The following BNC2 variants were observed in gnomAD, a reference collection of about 807,000 sequenced individuals.
The protein encoded by BNC2 is basonuclin zinc finger protein 2, also known as zinc finger protein basonuclin-2.
Under a neutral mutation model 76.3 loss-of-function variants are expected in BNC2, and 20 were observed. That is an observed-to-expected ratio of 0.26 (90% CI 0.18 to 0.38). BNC2 has a LOEUF of 0.38. BNC2 is among the 10% of genes least tolerant of loss of function. BNC2 has a pLI of 1.00. For synonymous variants in BNC2, 582 were observed against 514.8 expected, an observed-to-expected ratio of 1.13 and a Z score of -1.77; for missense variants, 1,382 against 1,399.8, an observed-to-expected ratio of 0.99 and a Z score of 0.20.
At chr9:16,817,428 G>C (rs1338753920) in intron 1 of BNC2, among the ~76,000 whole-genome samples, 3 of 152,162 alleles carry the variant, frequency 2.0e-5, no homozygotes, top group Non-Finnish European at 4.4e-5. Flanking sequence ...ATACTGCTAT[G>C]GATGTCTGGA....
At chr9:16,654,327 T>G (rs1587277866) in intron 3 of BNC2, among the ~76,000 whole-genome samples, 1 of 152,204 alleles carries the variant, frequency 6.6e-6, no homozygotes, top group Non-Finnish European at 1.5e-5. Context: ...ATAAGCATTA[T>G]TAAAGAGTCC....
At chr9:16,433,855 T>C (rs1820951260) in intron 6 of BNC2, among the ~76,000 whole-genome samples, 1 of 152,228 alleles carries the variant, frequency 6.6e-6, no homozygotes, top group African/African-American at 2.4e-5. Flanking sequence ...AAATATTTTA[T>C]GCAGGTTTTC....
At chr9:16,692,851 T>C (rs1013042560) in intron 3 of BNC2, among the ~76,000 whole-genome samples, 14 of 151,964 alleles carry the variant, frequency 9.2e-5, no homozygotes, top group African/African-American at 3.1e-4. Context: ...CACTGGGTGC[T>C]GGGCGTCGTG....
At chr9:16,686,115 T>C (rs879566935) in intron 3 of BNC2, among the ~76,000 whole-genome samples, 5 of 152,218 alleles carry the variant, frequency 3.3e-5, no homozygotes, top group Non-Finnish European at 5.9e-5. Context: ...CAAATTTATT[T>C]TTCCTGTTCC....
intron 5 of BNC2, among the ~76,000 whole-genome samples, chr9:16,452,856 G>T (rs1380367428): frequency 5.3e-5 from 8 of 152,106 alleles, no homozygotes; most frequent in Admixed American, 2.6e-4. Flanking sequence ...TTCTGCATCT[G>T]TTCAATCTAT....
intron 1 of BNC2, among the ~76,000 whole-genome samples, chr9:16,742,965 G>A (rs1450483970): frequency 2.0e-5 from 3 of 152,174 alleles, no homozygotes; most frequent in African/African-American, 4.8e-5. Flanking sequence ...TCTCTCAAGT[G>A]TACTGTCAGA....
At chr9:16,548,034 G>T (rs1419826900) in intron 5 of BNC2, among the ~76,000 whole-genome samples, 1 of 152,164 alleles carries the variant, frequency 6.6e-6, no homozygotes, top group Non-Finnish European at 1.5e-5. Flanking sequence ...AGACACAGAA[G>T]AGTTGAGAGG....
chr9:16,505,817 C>T (rs913951706), intron 5 of BNC2, among the ~76,000 whole-genome samples: 1 of 151,946 alleles, frequency 6.6e-6, no homozygotes, highest in East Asian at 1.9e-4. Flanking sequence ...ATATTAACAC[C>T]CCAAGCAGAA....
At chr9:16,532,534 GCT>G (rs1818014245) in intron 5 of BNC2, among the ~76,000 whole-genome samples, 1 of 152,120 alleles carries the variant, frequency 6.6e-6, no homozygotes, top group African/African-American at 2.4e-5. Flanking sequence ...GCTAGGGCTG[GCT>G]CATGCCAGCC....
chr9:16,779,007 T>C (rs897504987), intron 1 of BNC2, among the ~76,000 whole-genome samples: 1 of 150,842 alleles, frequency 6.6e-6, no homozygotes, highest in Non-Finnish European at 1.5e-5. Flanking sequence ...TAATTAGATG[T>C]CAGACTCCTG....
At position 16,448,098 on chromosome 9, in the gene BNC2, C is replaced by T. The variant is rs144423787; in HGVS notation, c.670-10574G>A. On this transcript the variant is annotated intron_variant, in intron 5 of 6. Transcript: ENST00000380672. ...TCAGACATAAAGATAAATCCCTGGT[C>T]TTAGGACAGCTATAAATCTGCTTGC... Among the ~76,000 whole-genome samples, 118 of 152,158 alleles carry T rather than the reference C, an allele frequency of 7.8e-4. 1 individual carries two copies. The highest frequency in any genetic ancestry group is 1.5e-3 in the Non-Finnish European group (104 of 67,972).
At chr9:16,708,001 G>C (rs1039213444) in intron 3 of BNC2, among the ~76,000 whole-genome samples, 1 of 152,096 alleles carries the variant, frequency 6.6e-6, no homozygotes, top group African/African-American at 2.4e-5. Flanking sequence ...CACATATTAG[G>C]AAATCAGAGC....
At chr9:16,474,282 TG>T (rs1378779222) in intron 5 of BNC2, among the ~76,000 whole-genome samples, 2 of 152,222 alleles carry the variant, frequency 1.3e-5, no homozygotes, top group African/African-American at 2.4e-5. Flanking sequence ...CACTATATGT[TG>T]TTTTTTAAAA....
chr9:16,653,231 A>T (rs1046523425), intron 3 of BNC2, among the ~76,000 whole-genome samples: 1 of 152,162 alleles, frequency 6.6e-6, no homozygotes, highest in Non-Finnish European at 1.5e-5. Context: ...ATAACTGCAG[A>T]TCAATTAAGT....
chr9:16,738,565 A>G, intron 1 of BNC2, 80 bp from the exon 2 acceptor site: 1 of 675,434 alleles, frequency 1.5e-6, no homozygotes, highest in South Asian at 1.6e-5. Flanking sequence ...AAACTTTAAG[A>G]AATTGCAAAT....
At chr9:16,592,918 A>T (rs1419014348) in intron 3 of BNC2, among the ~76,000 whole-genome samples, 1 of 152,164 alleles carries the variant, frequency 6.6e-6, no homozygotes, top group Non-Finnish European at 1.5e-5. Context: ...TGAAAATATT[A>T]AAACCTAATA....
intron 3 of BNC2, among the ~76,000 whole-genome samples, chr9:16,645,614 A>G (rs1332945124): frequency 6.6e-6 from 1 of 152,208 alleles, no homozygotes; most frequent in Non-Finnish European, 1.5e-5. Flanking sequence ...TCCTTGTCCC[A>G]TCACAGCACA....
intron 3 of BNC2, among the ~76,000 whole-genome samples, chr9:16,671,731 C>T (rs13285378): frequency 0.37 from 56,122 of 152,064 alleles, 13,972 homozygotes; most frequent in Non-Finnish European, 0.56. Context: ...CTCTTTAACC[C>T]AGAAGGCATC....
chr9:16,756,051 T>C (rs548004169), intron 1 of BNC2, among the ~76,000 whole-genome samples: 1 of 152,300 alleles, frequency 6.6e-6, no homozygotes, highest in South Asian at 2.1e-4. Flanking sequence ...CAGGTGTCTC[T>C]CATGAGATGT....
Sources: gnomAD v4.1 joint callset for allele counts (sites outside exome capture counted in the v4.1 genomes callset) on GRCh38, gnomAD v4.1.1 for gene constraint, MANE v1.5 for transcripts, NCBI Gene and HGNC (gene_info 2026-07-23, HGNC 2026-07-21) for gene names.